The following TNIK variants were observed in gnomAD, a reference collection of about 807,000 sequenced individuals.
TNIK encodes TRAF2 and NCK-interacting protein kinase.
Under a neutral mutation model 191.3 loss-of-function variants are expected in TNIK, and 49 were observed. The ratio of observed to expected loss-of-function variants is 0.26; its 90% CI spans 0.20 to 0.32. TNIK has a LOEUF of 0.32. Ranked by LOEUF, TNIK falls within the 10% of genes least tolerant of loss-of-function variation. The pLI is 1.00. For missense variants in TNIK, 1,155 were observed against 1,702.3 expected (o/e 0.68, Z 5.66); for synonymous variants, 594 against 600.9 (o/e 0.99, Z 0.17).
intron 1 of TNIK, among the ~76,000 whole-genome samples, chr3:171,426,190 T>C (rs954348978): frequency 9.2e-5 from 14 of 151,738 alleles, no homozygotes; most frequent in African/African-American, 3.1e-4. Flanking sequence ...ATTAAGAAAA[T>C]GTGGCACATA....
chr3:171,222,901 T>TA (rs1742527567), intron 3 of TNIK, among the ~76,000 whole-genome samples: 4 of 152,260 alleles, frequency 2.6e-5, no homozygotes, highest in African/African-American at 9.6e-5. Flanking sequence ...AGCCAGGACT[T>TA]ACGGTCTCCC....
chr3:171,145,424 G>C (rs1456759188), intron 12 of TNIK, among the ~76,000 whole-genome samples: 2 of 152,030 alleles, frequency 1.3e-5, no homozygotes, highest in African/African-American at 4.8e-5. Context: ...CCTTCCTCTG[G>C]CTATACACCC....
chr3:171,263,659 AT>A (rs1747971341), intron 2 of TNIK, among the ~76,000 whole-genome samples: 1 of 152,014 alleles, frequency 6.6e-6, no homozygotes, highest in Non-Finnish European at 1.5e-5. Flanking sequence ...AAAGGAGTGA[AT>A]AGTAAGTTCA....
intron 1 of TNIK, among the ~76,000 whole-genome samples, chr3:171,386,695 A>G (rs1718781696): frequency 6.6e-6 from 1 of 152,230 alleles, no homozygotes; most frequent in Non-Finnish European, 1.5e-5. Flanking sequence ...GTCCATATAG[A>G]ATAGATTTCA....
chr3:171,170,451 A>C (rs1454567870), intron 9 of TNIK, among the ~76,000 whole-genome samples: 5 of 152,192 alleles, frequency 3.3e-5, no homozygotes, highest in African/African-American at 1.2e-4. Flanking sequence ...CCCTATTTCC[A>C]AAAGCTACCC....
At chr3:171,066,046 C>G in intron 32 of TNIK, 141 bp downstream of exon 32, 1 of 1,167,886 alleles carries the variant, frequency 8.6e-7, no homozygotes, top group Non-Finnish European at 1.2e-6. Flanking sequence ...ATGGATCAAA[C>G]CAAATAATGC....
intron 21 of TNIK, among the ~76,000 whole-genome samples, chr3:171,104,827 ATTG>A (rs1337757166): frequency 6.6e-6 from 1 of 152,154 alleles, no homozygotes; most frequent in Admixed American, 6.6e-5. Flanking sequence ...ACCCCTAGTT[ATTG>A]TTCACCTTCC....
rs1442116604 is a variant in TNIK at position 171,060,582 on chromosome 3, G to GA, written c.*3298dup. Among the ~76,000 whole-genome samples, 1 of 152,134 alleles carries GA rather than the reference G, an allele frequency of 6.6e-6. No homozygotes were observed. The highest frequency in any genetic ancestry group is 2.4e-5 in the African/African-American group (1 of 41,424). On this transcript the variant is annotated 3_prime_UTR_variant, in exon 33 of 33. Coordinates refer to ENST00000436636, the MANE Select transcript of TNIK (RefSeq NM_015028.4). The stretch of plus-strand genomic sequence containing the variant: ...TGAAGGATTGTTTAGAAGTCTCCAA[G>GA]AAAAATAATGAGATCTATCTAAAAT...
In TNIK at chr3:171,460,041, C is replaced by T. The variant is rs774299223; in HGVS notation, c.23G>A (p.Arg8Gln). ...CGAGAGATCTATTTCATCCAGGCTT[C>T]GAGCCGGGGAGTCGCTCGCCATGTC... MASDSPA[R>Q]SLDEIDLSAL... The change falls in exon 1 of 33, where the codon CGA (arginine) becomes CAA (glutamine). Residue 8 changes from arginine to glutamine, a missense_variant. Arg to Gln is a conservative substitution (Grantham distance 43, BLOSUM62 1). Transcript: ENST00000436636. The surrounding 1 kb of genome is among the most constrained non-coding windows in gnomAD (Gnocchi z 6.8). 1.2e-6 allele frequency: 2 copies of T among 1,608,870 alleles called. No homozygotes were observed. Among genetic ancestry groups the T allele is most frequent in the Non-Finnish European group, 1.7e-6 (2 of 1,177,748 alleles).
chr3:171,138,000 A>T (rs1467251671), intron 15 of TNIK, among the ~76,000 whole-genome samples, 191 bp downstream of exon 15: 2 of 151,654 alleles, frequency 1.3e-5, no homozygotes, highest in Admixed American at 6.6e-5. Flanking sequence ...ACAAAACCTC[A>T]CAAATGAAGG....
At chr3:171,080,256 G>C (rs1025320305) in intron 27 of TNIK, among the ~76,000 whole-genome samples, 1 of 152,108 alleles carries the variant, frequency 6.6e-6, no homozygotes, top group Admixed American at 6.5e-5. Context: ...AAAATATTTA[G>C]ACAATATTGA....
chr3:171,263,465 G>C lies in TNIK; in HGVS notation c.124-35244C>G, dbSNP rs560587296. On this transcript the variant is annotated intron_variant, in intron 2 of 32. Transcript: ENST00000436636. Reference sequence around the variant, plus strand: ...TCAACAGAGAGGAACAATTTTGAGAGAAAAAAAGGAGGGGGTTTTCAAATT... The same window carrying C: ...TCAACAGAGAGGAACAATTTTGAGACAAAAAAAGGAGGGGGTTTTCAAATT... 2.1e-4 allele frequency among the ~76,000 whole-genome samples: 32 copies of C among 151,906 alleles called. 1 individual carries two copies. Among genetic ancestry groups the C allele is most frequent in the African/African-American group, 7.5e-4 (31 of 41,502 alleles).
At chr3:171,134,844 C>T (rs1214343585) in intron 15 of TNIK, among the ~76,000 whole-genome samples, 1 of 151,902 alleles carries the variant, frequency 6.6e-6, no homozygotes, top group African/African-American at 2.4e-5. Context: ...CATTACATTG[C>T]TGATAAAGGA....
intron 1 of TNIK, among the ~76,000 whole-genome samples, chr3:171,392,048 A>C (rs1038960524): frequency 2.0e-5 from 3 of 152,224 alleles, no homozygotes; most frequent in Non-Finnish European, 4.4e-5. Flanking sequence ...CCAAAACTCT[A>C]TAATTGCTGA....
At chr3:171,258,861 C>T (rs1747225007) in intron 2 of TNIK, among the ~76,000 whole-genome samples, 1 of 151,932 alleles carries the variant, frequency 6.6e-6, no homozygotes, top group Non-Finnish European at 1.5e-5. Context: ...TCCCAGTAAC[C>T]AATTTAATTA....
At chr3:171,111,563 G>T (rs1324836213) in intron 18 of TNIK, among the ~76,000 whole-genome samples, 1 of 152,174 alleles carries the variant, frequency 6.6e-6, no homozygotes, top group Non-Finnish European at 1.5e-5. Flanking sequence ...CTGTTGGTGA[G>T]AATGTAAAAT....
intron 1 of TNIK, among the ~76,000 whole-genome samples, chr3:171,384,664 A>G (rs776809987): frequency 2.6e-5 from 4 of 152,224 alleles, no homozygotes; most frequent in Non-Finnish European, 4.4e-5. Context: ...GGTTAAGTTG[A>G]ACTGTTTGGT....
At chr3:171,329,960 C>T (rs1756232935) in intron 2 of TNIK, among the ~76,000 whole-genome samples, 1 of 152,134 alleles carries the variant, frequency 6.6e-6, no homozygotes, top group Non-Finnish European at 1.5e-5. Flanking sequence ...AAAATCTGTG[C>T]AATGTCAAAG....
At chr3:171,144,917 C>T (rs992179788) in intron 12 of TNIK, among the ~76,000 whole-genome samples, 7 of 152,164 alleles carry the variant, frequency 4.6e-5, no homozygotes, top group Non-Finnish European at 7.3e-5. Context: ...GGTTCATCTA[C>T]GTTGCTGCAA....
Sources: gnomAD v4.1 joint callset for allele counts (sites outside exome capture counted in the v4.1 genomes callset) on GRCh38, gnomAD v4.1.1 for gene constraint, Gnocchi (gnomAD v3.1) non-coding constraint, MANE v1.5 for transcripts, NCBI Gene and HGNC (gene_info 2026-07-23, HGNC 2026-07-21) for gene names.